ARHGEF3: variants seen among roughly 807,000 people sequenced by gnomAD.
ARHGEF3 encodes the protein 59.8 kDA protein.
Under a neutral mutation model 63.2 loss-of-function variants are expected in ARHGEF3, and 28 were observed. The ratio of observed to expected loss-of-function variants is 0.44; its 90% CI spans 0.33 to 0.61. The LOEUF is 0.61. Ranked by LOEUF, ARHGEF3 falls within the 20% of genes least tolerant of loss-of-function variation. The probability of loss-of-function intolerance (pLI) is 0.03; values close to 1 mark genes in which losing one functional copy is unlikely to be tolerated. For missense variants in ARHGEF3, 533 were observed against 659.3 expected, an observed-to-expected ratio of 0.81 and a Z score of 2.10; for synonymous variants, 266 against 254.2, an observed-to-expected ratio of 1.05 and a Z score of -0.44.
At chr3:56,871,382 G>A (rs1289592791) in intron 4 of ARHGEF3, among the ~76,000 whole-genome samples, 1 of 151,928 alleles carries the variant, frequency 6.6e-6, no homozygotes, top group Non-Finnish European at 1.5e-5. Context: ...AAATACTGAG[G>A]TGGCTCAAGT....
chr3:56,733,133 A>G (rs1258223959), intron 8 of ARHGEF3, among the ~76,000 whole-genome samples: 1 of 151,690 alleles, frequency 6.6e-6, no homozygotes, highest in African/African-American at 2.4e-5. Flanking sequence ...AATACAAAAA[A>G]TTAGCCGGGT....
At chr3:56,932,568 T>C (rs1360204282) in intron 3 of ARHGEF3, among the ~76,000 whole-genome samples, 1 of 152,146 alleles carries the variant, frequency 6.6e-6, no homozygotes, top group Middle Eastern at 3.2e-3. Flanking sequence ...TTTTCCACTT[T>C]TTTCTGTCAT....
chr3:57,068,399 C>T (rs1216281065), intron 1 of ARHGEF3, among the ~76,000 whole-genome samples: 1 of 152,176 alleles, frequency 6.6e-6, no homozygotes, highest in Non-Finnish European at 1.5e-5. Flanking sequence ...TCAATGCTGC[C>T]ACTCACTGCA....
chr3:56,908,725 T>A (rs566704022), intron 3 of ARHGEF3, among the ~76,000 whole-genome samples: 1 of 152,160 alleles, frequency 6.6e-6, no homozygotes, highest in Non-Finnish European at 1.5e-5. Flanking sequence ...ATTAGCTGTA[T>A]GCCTTTGGGT....
intron 3 of ARHGEF3, among the ~76,000 whole-genome samples, chr3:56,948,614 C>T (rs933299987): frequency 2.0e-5 from 3 of 152,070 alleles, no homozygotes; most frequent in African/African-American, 7.3e-5. Flanking sequence ...CAATAACAGG[C>T]TCTGAAATTG....
At chr3:56,807,759 A>G (rs2037914349) in intron 4 of ARHGEF3, among the ~76,000 whole-genome samples, 2 of 152,110 alleles carry the variant, frequency 1.3e-5, no homozygotes, top group African/African-American at 4.8e-5. Context: ...ATCATCTCTA[A>G]ACTCATACCA....
intron 1 of ARHGEF3, among the ~76,000 whole-genome samples, chr3:57,062,421 C>G (rs1307140537): frequency 6.6e-6 from 1 of 152,218 alleles, no homozygotes; most frequent in Non-Finnish European, 1.5e-5. Flanking sequence ...ACAGCCCCCA[C>G]TCGGGCTCAG....
At chr3:56,758,441 AT>A (rs1321864079) in intron 2 of ARHGEF3, among the ~76,000 whole-genome samples, 5 of 152,044 alleles carry the variant, frequency 3.3e-5, no homozygotes, top group African/African-American at 9.6e-5. Flanking sequence ...AATTAAAAAA[AT>A]ATATATAGAT....
chr3:56,983,239 G>A (rs1164925382), intron 2 of ARHGEF3, among the ~76,000 whole-genome samples: 1 of 152,068 alleles, frequency 6.6e-6, no homozygotes, highest in Non-Finnish European at 1.5e-5. Context: ...TCTAGCTTCA[G>A]TTCAATATTT....
chr3:56,893,391 CTA>C (rs962764752), intron 3 of ARHGEF3, among the ~76,000 whole-genome samples: 6 of 152,136 alleles, frequency 3.9e-5, no homozygotes, highest in African/African-American at 1.4e-4. Context: ...GTTGCCTAGG[CTA>C]GTCTTGAACT....
At chr3:57,077,084 G>A (rs1706253990) in intron 1 of ARHGEF3, among the ~76,000 whole-genome samples, 2 of 152,162 alleles carry the variant, frequency 1.3e-5, no homozygotes. Flanking sequence ...GCTAGGTTGA[G>A]GGAACAGCGT....
chr3:56,890,168 A>C (rs536811123), intron 3 of ARHGEF3, among the ~76,000 whole-genome samples: 1 of 152,348 alleles, frequency 6.6e-6, no homozygotes, highest in Admixed American at 6.5e-5. Flanking sequence ...AAAGAAACTA[A>C]GAGCATAAAT....
At chr3:57,072,603 G>A (rs529402525) in intron 1 of ARHGEF3, among the ~76,000 whole-genome samples, 231 of 151,732 alleles carry the variant, frequency 1.5e-3, no homozygotes, top group Non-Finnish European at 2.6e-3. Flanking sequence ...TTAGCCAGGC[G>A]TGGTGGCACA....
At chr3:57,002,478 G>GTTATATATATAT (rs1702248839) in intron 2 of ARHGEF3, among the ~76,000 whole-genome samples, 1 of 13,672 alleles carries the variant, frequency 7.3e-5, no homozygotes, top group Non-Finnish European at 1.2e-4. Flanking sequence ...ATATATATAT[G>GTTATATATATAT]TTATATATAT....
chr3:56,842,638 G>A (rs979785297), intron 4 of ARHGEF3, among the ~76,000 whole-genome samples: 25 of 152,128 alleles, frequency 1.6e-4, no homozygotes, highest in African/African-American at 6.0e-4. Flanking sequence ...ATGTAGCCCT[G>A]GAAGATTACC....
At position 56,830,707 on chromosome 3, in the gene ARHGEF3, C is replaced by T. The variant is rs141898938; in HGVS notation, c.192+51585G>A. Among the ~76,000 whole-genome samples the T allele has an allele frequency of 1.3e-3, 199 of 152,276 alleles. 1 individual carries two copies. Among genetic ancestry groups the T allele is most frequent in the African/African-American group, 4.4e-3 (181 of 41,554 alleles). ...CCCCCTTTCCTGCTTCTCTCCTCGTCACCCATGATGCTCCAGCACAGTGTC... is the reference window on the plus strand; with the variant it reads ...CCCCCTTTCCTGCTTCTCTCCTCGTTACCCATGATGCTCCAGCACAGTGTC... On this transcript the variant is annotated intron_variant, in intron 4 of 12. Transcript: ENST00000338458.
At chr3:57,065,705 C>G (rs113610073) in intron 1 of ARHGEF3, among the ~76,000 whole-genome samples, 1 of 152,166 alleles carries the variant, frequency 6.6e-6, no homozygotes, top group Non-Finnish European at 1.5e-5. Context: ...CAGGCAGCCC[C>G]AGATACCTAC....
At chr3:56,831,415 A>T (rs75767228) in intron 4 of ARHGEF3, among the ~76,000 whole-genome samples, 3,091 of 152,328 alleles carry the variant, frequency 0.02, 53 homozygotes, top group Middle Eastern at 0.051. Context: ...GTTCTTAACC[A>T]CTATCAGGGT....
upstream of ARHGEF3, chr3:56,802,080 G>A (rs1240750455): frequency 8.8e-7 from 1 of 1,132,648 alleles, no homozygotes; most frequent in Non-Finnish European, 1.1e-6. Flanking sequence ...CACCTCCTGG[G>A]GCTGCGAGGG....
Sources: allele counts gnomAD v4.1 joint callset (sites outside exome capture counted in the v4.1 genomes callset), GRCh38; gene constraint gnomAD v4.1.1; transcripts MANE v1.5; gene names NCBI Gene and HGNC (gene_info 2026-07-23, HGNC 2026-07-21).